Variants in KLF8 observed in about 807,000 individuals in gnomAD.
The protein encoded by KLF8 is KLF transcription factor 8, also known as Krueppel-like factor 8.
Under a neutral mutation model 18.2 loss-of-function variants are expected in KLF8, and 10 were observed. The observed-to-expected ratio is 0.55, with a 90% confidence interval of 0.34 to 0.93. KLF8 has a LOEUF of 0.93. KLF8 is among the 40% of genes least tolerant of loss of function. KLF8 has a pLI of 0.02. For synonymous variants in KLF8, 109 were observed against 97.3 expected, an observed-to-expected ratio of 1.12 and a Z score of -0.71; for missense variants, 264 against 277.9, an observed-to-expected ratio of 0.95 and a Z score of 0.36.
At chrX:55,913,633 G>C in the KLF8 span, among the ~76,000 whole-genome samples, 8 of 111,520 alleles carry the variant, frequency 7.2e-5, no homozygotes, top group Non-Finnish European at 1.1e-4. Context: ...CTGACACCTT[G>C]ATTTCATACT....
chrX:56,266,867 C>A, intron 3 of KLF8: 1 of 753,906 alleles, frequency 1.3e-6, no homozygotes, highest in Non-Finnish European at 1.6e-6. Flanking sequence ...TACTACTAAG[C>A]ATCAAGTTGC....
the KLF8 span, among the ~76,000 whole-genome samples, chrX:55,973,056 G>T: frequency 8.9e-6 from 1 of 112,118 alleles, no homozygotes; most frequent in Non-Finnish European, 1.9e-5. Context: ...TAGAAACAAA[G>T]CCACACACCT....
At chrX:56,182,369 T>G in the KLF8 span, among the ~76,000 whole-genome samples, 2 of 112,267 alleles carry the variant, frequency 1.8e-5, no homozygotes, top group African/African-American at 6.5e-5. Context: ...TGTCTAATCT[T>G]TTTTGAAGGA....
At chrX:56,083,734 G>T in the KLF8 span, among the ~76,000 whole-genome samples, 1 of 111,313 alleles carries the variant, frequency 9.0e-6, no homozygotes, top group East Asian at 2.8e-4. Flanking sequence ...CCTGAACTCC[G>T]CCTGCTGTCA....
At chrX:56,146,930 G>A in the KLF8 span, among the ~76,000 whole-genome samples, 1 of 112,110 alleles carries the variant, frequency 8.9e-6, no homozygotes, top group African/African-American at 3.2e-5. Context: ...TCAACTTTAA[G>A]TTGTACTCTA....
At chrX:56,078,204 A>C in the KLF8 span, among the ~76,000 whole-genome samples, 1 of 112,007 alleles carries the variant, frequency 8.9e-6, no homozygotes, top group Non-Finnish European at 1.9e-5. Flanking sequence ...GAGAGAGGGC[A>C]TCCCTGTCTT....
the KLF8 span, among the ~76,000 whole-genome samples, chrX:56,193,740 A>G: frequency 8.9e-6 from 1 of 111,818 alleles, no homozygotes; most frequent in Non-Finnish European, 1.9e-5. Context: ...TCACATGTTA[A>G]GGCTTATTTA....
the KLF8 span, among the ~76,000 whole-genome samples, chrX:56,069,818 G>A: frequency 8.9e-6 from 1 of 112,105 alleles, no homozygotes; most frequent in Non-Finnish European, 1.9e-5. Flanking sequence ...CAGCGGTCCT[G>A]CCCAGCAGTC....
At chrX:56,073,463 G>A in the KLF8 span, among the ~76,000 whole-genome samples, 1 of 111,404 alleles carries the variant, frequency 9.0e-6, no homozygotes, top group Admixed American at 9.6e-5. Context: ...GTGAACATTG[G>A]TGTACAAGTA....
the KLF8 span, among the ~76,000 whole-genome samples, chrX:55,982,386 A>T: frequency 1.0e-3 from 115 of 111,504 alleles, 2 homozygotes; most frequent in East Asian, 0.029. Context: ...TCCTAAGACT[A>T]TCTTAAAACT....
At chrX:55,938,770 G>C in the KLF8 span, among the ~76,000 whole-genome samples, 20 of 111,376 alleles carry the variant, frequency 1.8e-4, no homozygotes, top group Non-Finnish European at 3.4e-4. Flanking sequence ...GATCAAAAGA[G>C]ACAAAGAAGA....
At chrX:55,937,851 C>T in the KLF8 span, among the ~76,000 whole-genome samples, 1 of 111,643 alleles carries the variant, frequency 9.0e-6, no homozygotes, top group Admixed American at 9.5e-5. Flanking sequence ...ATGAGCAAAG[C>T]CTCCAACAAA....
At chrX:56,157,774 T>C in the KLF8 span, among the ~76,000 whole-genome samples, 308 of 112,000 alleles carry the variant, frequency 2.7e-3, 1 homozygote, top group African/African-American at 9.7e-3. Flanking sequence ...GAGTTCATTG[T>C]AGATTCTGGA....
At chrX:55,938,962 T>C in the KLF8 span, among the ~76,000 whole-genome samples, 1 of 111,726 alleles carries the variant, frequency 9.0e-6, no homozygotes, top group Admixed American at 9.5e-5. Context: ...ATTAGAAAGA[T>C]CAATGAGACA....
chrX:56,269,346 C>G, intron 3 of KLF8, 32 bp from the exon 4 acceptor site: 1 of 1,178,578 alleles, frequency 8.5e-7, no homozygotes, highest in Non-Finnish European at 1.1e-6. Flanking sequence ...CATACATCTT[C>G]AGCTCACACT....
At chrX:56,157,789 A>G in the KLF8 span, among the ~76,000 whole-genome samples, 1 of 111,653 alleles carries the variant, frequency 9.0e-6, no homozygotes, top group Non-Finnish European at 1.9e-5. Context: ...TCTGGATATT[A>G]GCCCTTTGTC....
At chrX:55,960,728 C>CA in the KLF8 span, among the ~76,000 whole-genome samples, 2 of 111,807 alleles carry the variant, frequency 1.8e-5, no homozygotes, top group Non-Finnish European at 3.8e-5. Context: ...TGTGGCACCA[C>CA]AAAAACACAC....
At chrX:56,065,495 G>T in the KLF8 span, among the ~76,000 whole-genome samples, 3 of 109,148 alleles carry the variant, frequency 2.7e-5, no homozygotes, top group East Asian at 8.6e-4. Flanking sequence ...CTGTTTTCTT[G>T]TATCTTTTTG....
chrX:56,189,687 G>T, the KLF8 span, among the ~76,000 whole-genome samples: 1 of 109,993 alleles, frequency 9.1e-6, no homozygotes, highest in Non-Finnish European at 1.9e-5. Context: ...ATACTATGCA[G>T]CCATAAAAAA....
Sources: allele counts gnomAD v4.1 joint callset (sites outside exome capture counted in the v4.1 genomes callset), GRCh38; gene constraint gnomAD v4.1.1; transcripts MANE v1.5; gene names NCBI Gene and HGNC (gene_info 2026-07-23, HGNC 2026-07-21).